The following SDK1 variants were observed in gnomAD, a reference collection of about 807,000 sequenced individuals.
The protein encoded by SDK1 is sidekick cell adhesion molecule 1, also known as protein sidekick-1.
SDK1 carries 157 observed loss-of-function variants against 245.5 expected under a neutral mutation model. That is an observed-to-expected ratio of 0.64 (90% CI 0.56 to 0.73). SDK1 has a LOEUF of 0.73. Ranked by LOEUF, SDK1 falls within the 30% of genes least tolerant of loss-of-function variation. SDK1 has a pLI of 0.00. For synonymous variants in SDK1, 1,647 were observed against 1,278.5 expected (o/e 1.29, Z -6.15); for missense variants, 3,583 against 3,002.3 (o/e 1.19, Z -4.52).
chr7:3,851,107 G>C (rs1780409226), intron 5 of SDK1, among the ~76,000 whole-genome samples: 1 of 152,162 alleles, frequency 6.6e-6, no homozygotes, highest in Non-Finnish European at 1.5e-5. Flanking sequence ...TGCATGATTA[G>C]TAATTCAAAA....
At chr7:3,884,452 G>T (rs918164207) in intron 5 of SDK1, among the ~76,000 whole-genome samples, 1 of 152,156 alleles carries the variant, frequency 6.6e-6, no homozygotes, top group Non-Finnish European at 1.5e-5. Context: ...GGCCTCTAAC[G>T]TTTGCCTCTT....
chr7:3,440,913 A>G (rs1350574327), intron 1 of SDK1, among the ~76,000 whole-genome samples: 2 of 152,230 alleles, frequency 1.3e-5, no homozygotes, highest in Non-Finnish European at 1.5e-5. Context: ...GTTGTGCCAG[A>G]ATCATTCAGC....
At chr7:3,877,010 A>T (rs1266022404) in intron 5 of SDK1, among the ~76,000 whole-genome samples, 4 of 152,224 alleles carry the variant, frequency 2.6e-5, no homozygotes, top group East Asian at 1.9e-4. Flanking sequence ...CCTCTCCCAT[A>T]TTTCCTTTGT....
intron 1 of SDK1, among the ~76,000 whole-genome samples, chr7:3,415,723 G>A (rs1292887388): frequency 1.3e-5 from 2 of 148,848 alleles, no homozygotes; most frequent in Non-Finnish European, 3.0e-5. Flanking sequence ...ATATATAAAT[G>A]TATATATATA....
At chr7:3,824,126 T>C (rs1779713318) in intron 5 of SDK1, among the ~76,000 whole-genome samples, 1 of 152,180 alleles carries the variant, frequency 6.6e-6, no homozygotes, top group African/African-American at 2.4e-5. Flanking sequence ...GCCACCCTGC[T>C]CCTGGTGAGG....
At chr7:4,248,362 C>T (rs1417926657) in intron 44 of SDK1, among the ~76,000 whole-genome samples, 3 of 110,040 alleles carry the variant, frequency 2.7e-5, no homozygotes, top group African/African-American at 6.1e-5. Context: ...ACACGTTTAC[C>T]TAAATACAAC....
chr7:3,877,116 A>G (rs190710335), intron 5 of SDK1, among the ~76,000 whole-genome samples: 1 of 152,320 alleles, frequency 6.6e-6, no homozygotes, highest in East Asian at 1.9e-4. Context: ...CATGGATACA[A>G]ATTCTGGCTA....
chr7:4,031,222 T>C (rs1462016201), intron 17 of SDK1, among the ~76,000 whole-genome samples: 1 of 152,204 alleles, frequency 6.6e-6, no homozygotes, highest in Non-Finnish European at 1.5e-5. Context: ...CACATACACA[T>C]ATGCATGCAG....
chr7:4,235,756 A>G (rs2128236601), intron 41 of SDK1, among the ~76,000 whole-genome samples: 1 of 152,332 alleles, frequency 6.6e-6, no homozygotes, highest in East Asian at 1.9e-4. Flanking sequence ...TCAGACGCAG[A>G]GCTGGCCTTG....
At chr7:3,944,304 CAT>C (rs1213798617) in intron 5 of SDK1, among the ~76,000 whole-genome samples, 5 of 152,216 alleles carry the variant, frequency 3.3e-5, no homozygotes, top group East Asian at 1.9e-4. Flanking sequence ...AAATGGGCAA[CAT>C]GTGTAAATCA....
intron 28 of SDK1, among the ~76,000 whole-genome samples, chr7:4,133,920 T>C (rs1372649937): frequency 6.6e-6 from 1 of 152,202 alleles, no homozygotes; most frequent in African/African-American, 2.4e-5. Context: ...CACTTTTGCC[T>C]GCATTTGATC....
intron 1 of SDK1, among the ~76,000 whole-genome samples, chr7:3,397,058 A>G (rs1778732092): frequency 6.6e-6 from 1 of 151,844 alleles, no homozygotes; most frequent in Middle Eastern, 3.2e-3. Flanking sequence ...ATCATAACAA[A>G]TAACTTAAAA....
chr7:4,151,481 G>T (rs1028814669), intron 30 of SDK1, among the ~76,000 whole-genome samples: 2 of 152,142 alleles, frequency 1.3e-5, no homozygotes, highest in Non-Finnish European at 2.9e-5. Context: ...AAGCTGTTCC[G>T]TCCCCACAAC....
At chr7:3,545,069 G>C (rs1306145753) in intron 1 of SDK1, among the ~76,000 whole-genome samples, 1 of 152,170 alleles carries the variant, frequency 6.6e-6, no homozygotes, top group Non-Finnish European at 1.5e-5. Context: ...ACTGGGAGGA[G>C]AGCTGGTGCT....
intron 5 of SDK1, among the ~76,000 whole-genome samples, chr7:3,939,654 G>C (rs764822759): frequency 2.0e-5 from 3 of 151,988 alleles, no homozygotes; most frequent in Non-Finnish European, 4.4e-5. Flanking sequence ...AATGTATCTG[G>C]GTTCTTGGAG....
At chr7:3,498,747 C>G (rs1183245599) in intron 1 of SDK1, among the ~76,000 whole-genome samples, 1 of 147,740 alleles carries the variant, frequency 6.8e-6, no homozygotes, top group Non-Finnish European at 1.5e-5. Flanking sequence ...TTTTTTTTTC[C>G]CCTTTACTCC....
chr7:3,449,856 C>G (rs1780457561), intron 1 of SDK1, among the ~76,000 whole-genome samples: 1 of 152,172 alleles, frequency 6.6e-6, no homozygotes, highest in Non-Finnish European at 1.5e-5. Context: ...CCTCCTATAG[C>G]TTAGGAGCTA....
chr7:3,693,877 T>G (rs2114998897), intron 4 of SDK1, among the ~76,000 whole-genome samples: 1 of 152,250 alleles, frequency 6.6e-6, no homozygotes, highest in South Asian at 2.1e-4. Flanking sequence ...ATTTTCTCCT[T>G]CCTGCACATT....
chr7:4,261,668 G>C (rs933097277), intron 44 of SDK1, among the ~76,000 whole-genome samples: 1 of 152,178 alleles, frequency 6.6e-6, no homozygotes, highest in Non-Finnish European at 1.5e-5. Flanking sequence ...CCAGGAATCT[G>C]CTGCCTCGAT....
Sources: allele counts gnomAD v4.1 joint callset (sites outside exome capture counted in the v4.1 genomes callset), GRCh38; gene constraint gnomAD v4.1.1; transcripts MANE v1.5; gene names NCBI Gene and HGNC (gene_info 2026-07-23, HGNC 2026-07-21).